Variants in RORA observed in about 807,000 individuals in gnomAD.
RORA encodes the protein RAR related orphan receptor A, also known as nuclear receptor ROR-alpha.
Under a neutral mutation model 69.5 loss-of-function variants are expected in RORA, and 7 were observed. The ratio of observed to expected loss-of-function variants is 0.10; its 90% CI spans 0.06 to 0.19. The LOEUF (loss-of-function observed/expected upper bound fraction) is 0.19. Among genes scored for constraint, RORA ranks in the 10% least tolerant of loss-of-function variants. RORA has a pLI of 1.00. For synonymous variants in RORA, 261 were observed against 240.8 expected, an observed-to-expected ratio of 1.08 and a Z score of -0.78; for missense variants, 457 against 663.0, an observed-to-expected ratio of 0.69 and a Z score of 3.41.
chr15:60,721,932 C>T (rs915430170), intron 1 of RORA, among the ~76,000 whole-genome samples: 15 of 152,234 alleles, frequency 9.9e-5, no homozygotes, highest in African/African-American at 2.9e-4. Context: ...CCCTAGACGG[C>T]GTGCAACCAA....
chr15:61,198,491 A>G (rs1242686574), intron 1 of RORA, among the ~76,000 whole-genome samples: 1 of 152,204 alleles, frequency 6.6e-6, no homozygotes, highest in Non-Finnish European at 1.5e-5. Flanking sequence ...GGATATGCCA[A>G]CAAAAGGTAC....
intron 1 of RORA, among the ~76,000 whole-genome samples, chr15:61,091,342 A>C (rs1463796037): frequency 6.6e-6 from 1 of 152,188 alleles, no homozygotes; most frequent in Admixed American, 6.5e-5. Context: ...GTCTAATTGC[A>C]CCACCTCTGC....
chr15:61,142,032 A>G (rs934950219), intron 1 of RORA, among the ~76,000 whole-genome samples: 1 of 151,686 alleles, frequency 6.6e-6, no homozygotes, highest in African/African-American at 2.4e-5. Flanking sequence ...CAAAGAAGGG[A>G]ACAGAAGGAA....
At chr15:60,871,658 T>G (rs942830719) in intron 1 of RORA, among the ~76,000 whole-genome samples, 3 of 152,224 alleles carry the variant, frequency 2.0e-5, no homozygotes, top group African/African-American at 7.2e-5. Context: ...CTTTTCCCTT[T>G]TACAGAACTG....
chr15:61,114,143 C>T (rs937806424), intron 1 of RORA, among the ~76,000 whole-genome samples: 7 of 152,170 alleles, frequency 4.6e-5, no homozygotes, highest in Admixed American at 6.5e-5. Flanking sequence ...GAAAATTTGG[C>T]TCACCACAGA....
At chr15:60,683,389 CATCTTTCCA>C (rs1483218194) in intron 1 of RORA, among the ~76,000 whole-genome samples, 8 of 152,172 alleles carry the variant, frequency 5.3e-5, no homozygotes, top group Admixed American at 2.6e-4. Context: ...AGCCAAACCA[CATCTTTCCA>C]AGCAACAGGC....
intron 1 of RORA, among the ~76,000 whole-genome samples, chr15:60,833,725 C>T (rs568977305): frequency 1.3e-4 from 20 of 152,280 alleles, no homozygotes; most frequent in Admixed American, 5.2e-4. Flanking sequence ...TTTGTACTGT[C>T]TTTTTCATGT....
chr15:60,819,746 G>C (rs369845169), intron 1 of RORA, among the ~76,000 whole-genome samples: 81 of 119,340 alleles, frequency 6.8e-4, no homozygotes, highest in African/African-American at 2.4e-3. Flanking sequence ...GTCAAACCCA[G>C]ACACACACAC....
intron 1 of RORA, among the ~76,000 whole-genome samples, chr15:60,873,088 C>T (rs1037803797): frequency 2.0e-5 from 3 of 152,130 alleles, no homozygotes; most frequent in Admixed American, 1.3e-4. Context: ...TTTTGTCTCT[C>T]CCAGTCTCAG....
intron 1 of RORA, among the ~76,000 whole-genome samples, chr15:61,011,340 TAGA>T (rs1895079020): frequency 6.6e-6 from 1 of 152,204 alleles, no homozygotes; most frequent in Non-Finnish European, 1.5e-5. Context: ...ACAATTTTCT[TAGA>T]AGGATAGAAA....
At chr15:61,086,204 T>C (rs570924463) in intron 1 of RORA, among the ~76,000 whole-genome samples, 3 of 152,352 alleles carry the variant, frequency 2.0e-5, no homozygotes, top group African/African-American at 7.2e-5. Context: ...ATCCATCAAA[T>C]ATTTACAAAT....
chr15:60,772,238 G>A (rs891106275), intron 1 of RORA, among the ~76,000 whole-genome samples: 1 of 151,834 alleles, frequency 6.6e-6, no homozygotes, highest in Non-Finnish European at 1.5e-5. Context: ...GCCGCGGTGT[G>A]TGATGTTCCC....
intron 1 of RORA, among the ~76,000 whole-genome samples, chr15:61,129,661 T>C (rs1273573786): frequency 6.6e-6 from 1 of 152,242 alleles, no homozygotes; most frequent in Admixed American, 6.5e-5. Context: ...GCTTGGGTTC[T>C]AATGAATGAC....
intron 2 of RORA, among the ~76,000 whole-genome samples, chr15:60,547,209 G>A (rs1250067934): frequency 6.6e-6 from 1 of 152,122 alleles, no homozygotes; most frequent in Non-Finnish European, 1.5e-5. Flanking sequence ...AATGAGGATT[G>A]AGCGTCAAAG....
At chr15:60,642,345 T>C (rs1199569237) in intron 2 of RORA, among the ~76,000 whole-genome samples, 3 of 152,180 alleles carry the variant, frequency 2.0e-5, no homozygotes, top group Non-Finnish European at 2.9e-5. Flanking sequence ...TTTGGTGCCA[T>C]TCCGTGGGAC....
chr15:61,168,733 T>C (rs2079559707), intron 1 of RORA, among the ~76,000 whole-genome samples: 1 of 152,148 alleles, frequency 6.6e-6, no homozygotes, highest in African/African-American at 2.4e-5. Context: ...GTCTGCTCAG[T>C]CTGGTGGACA....
chr15:60,692,610 C>A (rs1423175549), intron 1 of RORA, among the ~76,000 whole-genome samples: 2 of 152,142 alleles, frequency 1.3e-5, no homozygotes, highest in Non-Finnish European at 2.9e-5. Context: ...AATGCTTTAG[C>A]AAAGGGAAAC....
rs144631854 is a variant in RORA, at chr15:61,047,930, C to A, written c.166+181123G>T. On this transcript the variant is annotated intron_variant, in intron 1 of 10. Transcript: ENST00000335670. ...CGACAGAACCATCCAAACCAAGACACTTCTTCCTATTGTGGCAAAAATGAG... is the reference window on the plus strand; with the variant it reads ...CGACAGAACCATCCAAACCAAGACAATTCTTCCTATTGTGGCAAAAATGAG... Among the ~76,000 whole-genome samples, 907 of 152,316 alleles carry A rather than the reference C, an allele frequency of 6.0e-3. 12 individuals carry two copies. Among genetic ancestry groups the A allele is most frequent in the African/African-American group, 0.021 (855 of 41,556 alleles).
chr15:61,125,348 A>T (rs2079134392), intron 1 of RORA, among the ~76,000 whole-genome samples: 1 of 152,220 alleles, frequency 6.6e-6, no homozygotes, highest in Non-Finnish European at 1.5e-5. Context: ...TTATCAAATT[A>T]TAAACTTGGG....
Sources: allele counts gnomAD v4.1 joint callset (sites outside exome capture counted in the v4.1 genomes callset), GRCh38; gene constraint gnomAD v4.1.1; transcripts MANE v1.5; gene names NCBI Gene and HGNC (gene_info 2026-07-23, HGNC 2026-07-21).